DYNC1I1: variants seen among roughly 807,000 people sequenced by gnomAD.
DYNC1I1 encodes the protein cytoplasmic dynein 1 intermediate chain 1.
A neutral mutation model predicts 86.6 loss-of-function variants in DYNC1I1; 43 were observed. That is an observed-to-expected ratio of 0.50 (90% CI 0.39 to 0.64). The LOEUF (loss-of-function observed/expected upper bound fraction) is 0.64. Ranked by LOEUF, DYNC1I1 falls within the 30% of genes least tolerant of loss-of-function variation. DYNC1I1 has a pLI of 0.00. For missense variants in DYNC1I1, 604 were observed against 788.8 expected (o/e 0.77, Z 2.81); for synonymous variants, 262 against 283.7 (o/e 0.92, Z 0.77).
chr7:95,807,118 T>A (rs1333681753), intron 2 of DYNC1I1, among the ~76,000 whole-genome samples: 1 of 152,182 alleles, frequency 6.6e-6, no homozygotes, highest in South Asian at 2.1e-4. Context: ...TCAGAGTAGA[T>A]GAATGGGGCT....
intron 11 of DYNC1I1, among the ~76,000 whole-genome samples, chr7:96,029,221 A>G (rs1467806152): frequency 6.6e-6 from 1 of 152,184 alleles, no homozygotes; most frequent in Admixed American, 6.5e-5. Flanking sequence ...AATGACAAAT[A>G]CCAAGTCAGC....
rs41278818 is a variant in DYNC1I1 at position 95,827,944 on chromosome 7, G to A, written c.315-113G>A. On this transcript the variant is annotated intron_variant, in intron 4 of 16. Coordinates refer to ENST00000447467, the MANE Select transcript of DYNC1I1 (RefSeq NM_001135556.2). Reference sequence around the variant, plus strand: ...AGGGGATGGAAGGGGGACATGTTCTGTGTATGTATTGTATATGCTCTTGCC... The same window carrying A: ...AGGGGATGGAAGGGGGACATGTTCTATGTATGTATTGTATATGCTCTTGCC... 0.079 allele frequency: 79,031 copies of A among 995,582 alleles called. 3,780 individuals are homozygous for A. Among genetic ancestry groups the A allele is most frequent in the Non-Finnish European group, 0.095 (60,035 of 632,054 alleles). 61.7% of individuals were successfully genotyped at this position (995,582 alleles called of 1,614,324 possible).
chr7:96,007,997 C>A (rs2115830715), intron 10 of DYNC1I1, among the ~76,000 whole-genome samples: 1 of 152,282 alleles, frequency 6.6e-6, no homozygotes, highest in African/African-American at 2.4e-5. Context: ...ACCCATATAC[C>A]CTCCAGCCAC....
downstream of DYNC1I1, chr7:96,110,131 T>A (rs533474101): frequency 2.3e-6 from 1 of 427,782 alleles, no homozygotes; most frequent in South Asian, 1.7e-5. Context: ...AGTACCAAAA[T>A]CTGGAAGTAT....
At chr7:96,066,515 T>C (rs1235953341) in intron 14 of DYNC1I1, among the ~76,000 whole-genome samples, 1 of 152,244 alleles carries the variant, frequency 6.6e-6, no homozygotes, top group Admixed American at 6.5e-5. Flanking sequence ...CCCAGAATTG[T>C]GTCTTTGAGG....
At chr7:96,045,677 G>C (rs1789188759) in intron 14 of DYNC1I1, among the ~76,000 whole-genome samples, 1 of 152,140 alleles carries the variant, frequency 6.6e-6, no homozygotes, top group Non-Finnish European at 1.5e-5. Flanking sequence ...GGTGAGGTTA[G>C]GGCAGAGCTA....
intron 14 of DYNC1I1, among the ~76,000 whole-genome samples, chr7:96,054,595 C>T (rs1258967679): frequency 6.6e-6 from 1 of 152,206 alleles, no homozygotes; most frequent in Non-Finnish European, 1.5e-5. Flanking sequence ...AATTTACACT[C>T]CCACCAACAA....
At chr7:95,881,871 C>G (rs142880417) in intron 6 of DYNC1I1, among the ~76,000 whole-genome samples, 97 of 152,236 alleles carry the variant, frequency 6.4e-4, no homozygotes, top group Non-Finnish European at 9.4e-4. Context: ...AATATTAGTT[C>G]CAAGGTAAGA....
At chr7:95,910,093 G>C (rs1310169185) in intron 6 of DYNC1I1, among the ~76,000 whole-genome samples, 1 of 152,186 alleles carries the variant, frequency 6.6e-6, no homozygotes, top group Non-Finnish European at 1.5e-5. Context: ...TAGGGATGCT[G>C]TAAGGATGAA....
At chr7:95,787,916 T>C (rs1794191258) in intron 1 of DYNC1I1, among the ~76,000 whole-genome samples, 1 of 152,046 alleles carries the variant, frequency 6.6e-6, no homozygotes, top group South Asian at 2.1e-4. Flanking sequence ...CATTCAGATA[T>C]GTAGGGGAAA....
At chr7:95,960,047 A>G (rs1792824517) in intron 6 of DYNC1I1, among the ~76,000 whole-genome samples, 1 of 152,206 alleles carries the variant, frequency 6.6e-6, no homozygotes, top group Admixed American at 6.5e-5. Flanking sequence ...GAGATCATAT[A>G]TTGTAAGCTA....
chr7:96,037,144 C>T (rs1448688498), intron 13 of DYNC1I1, among the ~76,000 whole-genome samples: 5 of 152,120 alleles, frequency 3.3e-5, no homozygotes, highest in Non-Finnish European at 5.9e-5. Context: ...TCCTGCTGTT[C>T]TGCACGTAGA....
At chr7:95,978,510 G>A (rs758346116) in intron 7 of DYNC1I1, among the ~76,000 whole-genome samples, 3 of 152,216 alleles carry the variant, frequency 2.0e-5, no homozygotes, top group Non-Finnish European at 4.4e-5. Context: ...AATAAATGAA[G>A]AGCGGGACCT....
At chr7:95,829,437 A>G (rs897805331) in intron 5 of DYNC1I1, among the ~76,000 whole-genome samples, 1 of 152,206 alleles carries the variant, frequency 6.6e-6, no homozygotes. Flanking sequence ...TTATTTAAAT[A>G]ACCAAGAGAT....
chr7:95,840,418 T>C (rs1789249390), intron 5 of DYNC1I1, among the ~76,000 whole-genome samples: 1 of 152,190 alleles, frequency 6.6e-6, no homozygotes, highest in Non-Finnish European at 1.5e-5. Context: ...ATTATTTCTA[T>C]TTGGTATTTT....
At chr7:95,886,022 C>G (rs1790583368) in intron 6 of DYNC1I1, among the ~76,000 whole-genome samples, 2 of 152,178 alleles carry the variant, frequency 1.3e-5, no homozygotes, top group South Asian at 2.1e-4. Context: ...TTAATAATAG[C>G]ATAGCAGCTA....
intron 2 of DYNC1I1, 31 bp from the exon 3 acceptor site, chr7:95,810,361 A>G (rs191170660): frequency 2.7e-4 from 425 of 1,555,374 alleles, no homozygotes; most frequent in Admixed American, 4.5e-4. Flanking sequence ...TAGTTATGTT[A>G]TTAACTTTTC....
At chr7:96,110,205 G>T (rs1218988783), downstream of DYNC1I1, 4 of 302,568 alleles carry the variant, frequency 1.3e-5, no homozygotes, top group Non-Finnish European at 2.6e-5. Flanking sequence ...CCAAAGCTTT[G>T]TTATTAGGTG....
At chr7:96,021,016 G>A (rs1794536040) in intron 10 of DYNC1I1, among the ~76,000 whole-genome samples, 1 of 152,180 alleles carries the variant, frequency 6.6e-6, no homozygotes, top group South Asian at 2.1e-4. Context: ...GGGGGATGGG[G>A]GAGGAATGAG....
Sources: allele counts gnomAD v4.1 joint callset (sites outside exome capture counted in the v4.1 genomes callset), GRCh38; gene constraint gnomAD v4.1.1; transcripts MANE v1.5; gene names NCBI Gene and HGNC (gene_info 2026-07-23, HGNC 2026-07-21).